RBMS3: variants seen among roughly 807,000 people sequenced by gnomAD.
The protein encoded by RBMS3 is RNA binding motif single stranded interacting protein 3.
A neutral mutation model predicts 66.8 loss-of-function variants in RBMS3; 27 were observed. That is an observed-to-expected ratio of 0.40 (90% CI 0.30 to 0.56). The LOEUF is 0.56. Among genes scored for constraint, RBMS3 ranks in the 20% least tolerant of loss-of-function variants. RBMS3 has a pLI of 0.40. For synonymous variants in RBMS3, 188 were observed against 183.0 expected, an observed-to-expected ratio of 1.03 and a Z score of -0.22; for missense variants, 513 against 549.5, an observed-to-expected ratio of 0.93 and a Z score of 0.66.
intron 3 of RBMS3, among the ~76,000 whole-genome samples, chr3:29,492,564 C>T (rs992740331): frequency 6.6e-6 from 1 of 152,034 alleles, no homozygotes; most frequent in South Asian, 2.1e-4. Flanking sequence ...GGAAATGATA[C>T]TAGGGATCTG....
intron 10 of RBMS3, among the ~76,000 whole-genome samples, chr3:29,905,567 ATC>A (rs1209985509): frequency 1.3e-5 from 2 of 151,996 alleles, no homozygotes; most frequent in Non-Finnish European, 2.9e-5. Flanking sequence ...TTATCTTTGT[ATC>A]TGTTTTCCAA....
chr3:29,774,882 A>T (rs576873303), intron 6 of RBMS3, among the ~76,000 whole-genome samples: 1 of 147,818 alleles, frequency 6.8e-6, no homozygotes, highest in African/African-American at 2.5e-5. Context: ...TCAATATGTA[A>T]CAGGACTATT....
chr3:29,730,086 G>C (rs554614881), intron 4 of RBMS3, among the ~76,000 whole-genome samples: 1 of 151,744 alleles, frequency 6.6e-6, no homozygotes, highest in East Asian at 1.9e-4. Flanking sequence ...TATATAAAAT[G>C]ATATTAATGT....
At chr3:29,319,900 C>T (rs182228702) in intron 1 of RBMS3, among the ~76,000 whole-genome samples, 3 of 151,934 alleles carry the variant, frequency 2.0e-5, no homozygotes, top group Non-Finnish European at 2.9e-5. Context: ...AAAACATTGC[C>T]TTCTTGAACT....
intron 1 of RBMS3, among the ~76,000 whole-genome samples, chr3:29,330,027 C>A (rs2125511459): frequency 6.6e-6 from 1 of 151,936 alleles, no homozygotes; most frequent in East Asian, 1.9e-4. Context: ...CTATTCAAAT[C>A]TTTGTGAAAT....
At chr3:29,983,459 G>C (rs777802981) in intron 12 of RBMS3, among the ~76,000 whole-genome samples, 4 of 152,122 alleles carry the variant, frequency 2.6e-5, no homozygotes, top group Non-Finnish European at 5.9e-5. Context: ...CTGTCATTAT[G>C]ATGCTAGCTG....
chr3:29,881,395 A>G (rs1198441535), intron 7 of RBMS3, among the ~76,000 whole-genome samples: 3 of 152,128 alleles, frequency 2.0e-5, no homozygotes, highest in Non-Finnish European at 2.9e-5. Flanking sequence ...TACAAACGTA[A>G]TCTCTTTTAA....
chr3:29,730,899 C>G, intron 4 of RBMS3: 3 of 985,248 alleles, frequency 3.0e-6, no homozygotes, highest in Non-Finnish European at 3.6e-6. Context: ...GAGAAACCAT[C>G]ACATCAGGGC....
chr3:29,783,295 G>T (rs1331266735), intron 6 of RBMS3, among the ~76,000 whole-genome samples: 86 of 152,160 alleles, frequency 5.7e-4, no homozygotes, highest in Admixed American at 5.6e-3. Context: ...AGAGCTGAGA[G>T]GCAAAAACAT....
chr3:29,307,120 A>G (rs1398072116), intron 1 of RBMS3, among the ~76,000 whole-genome samples: 5 of 151,900 alleles, frequency 3.3e-5, no homozygotes, highest in African/African-American at 1.2e-4. Context: ...TTTCCATTTC[A>G]GTCTTCAAAC....
chr3:29,336,570 G>A (rs1316553325), intron 1 of RBMS3, among the ~76,000 whole-genome samples: 1 of 152,060 alleles, frequency 6.6e-6, no homozygotes, highest in Non-Finnish European at 1.5e-5. Context: ...TAGGAAAGCT[G>A]GGCCCCTGTA....
rs115188445 is a variant in RBMS3 at position 29,369,143 on chromosome 3, C to A, written c.76-65600C>A. Among the ~76,000 whole-genome samples, 1,345 of 151,890 alleles carry A rather than the reference C, an allele frequency of 8.9e-3. 17 individuals carry two copies. The highest frequency in any genetic ancestry group is 0.031 in the African/African-American group (1,272 of 41,436). On this transcript the variant is annotated intron_variant, in intron 1 of 14. Coordinates refer to ENST00000383767, the MANE Select transcript of RBMS3 (RefSeq NM_001003793.3). ...ACATAGACACATAGAGGGGAACAGC[C>A]GGCACCGGGGCCTACTTGAGAGTGG...
intron 6 of RBMS3, among the ~76,000 whole-genome samples, chr3:29,798,002 C>A (rs777116809): frequency 2.8e-4 from 43 of 151,864 alleles, no homozygotes; most frequent in Admixed American, 2.7e-3. Context: ...TGTTGTATCT[C>A]AGGAAATGGT....
At chr3:29,481,374 G>A (rs2043124194) in intron 2 of RBMS3, among the ~76,000 whole-genome samples, 1 of 152,260 alleles carries the variant, frequency 6.6e-6, no homozygotes, top group East Asian at 1.9e-4. Context: ...GAAGGCAAAT[G>A]GTTCTGGAGA....
At chr3:29,843,435 C>T (rs1056737418) in intron 6 of RBMS3, among the ~76,000 whole-genome samples, 3 of 152,084 alleles carry the variant, frequency 2.0e-5, no homozygotes, top group Non-Finnish European at 4.4e-5. Context: ...CTTAAAACAT[C>T]GACACTATTG....
intron 4 of RBMS3, among the ~76,000 whole-genome samples, chr3:29,633,212 G>A (rs2049348744): frequency 6.6e-6 from 1 of 151,584 alleles, no homozygotes; most frequent in South Asian, 2.1e-4. Flanking sequence ...TTTGTACTGG[G>A]GGAAATGCAG....
chr3:29,521,055 C>G (rs1232542482), intron 3 of RBMS3, among the ~76,000 whole-genome samples: 1 of 151,886 alleles, frequency 6.6e-6, no homozygotes, highest in Non-Finnish European at 1.5e-5. Flanking sequence ...AAAATAGCAC[C>G]CTGTCACTCT....
intron 3 of RBMS3, among the ~76,000 whole-genome samples, chr3:29,548,070 T>A (rs931052670): frequency 2.6e-5 from 4 of 152,022 alleles, no homozygotes; most frequent in Non-Finnish European, 4.4e-5. Flanking sequence ...GCAATGAGGA[T>A]TACAGGTGTG....
chr3:29,838,322 G>C (rs2058579585), intron 6 of RBMS3, among the ~76,000 whole-genome samples: 1 of 151,982 alleles, frequency 6.6e-6, no homozygotes, highest in Admixed American at 6.6e-5. Flanking sequence ...CTGGGTGATA[G>C]AGTGAGACCC....
Sources: allele counts gnomAD v4.1 joint callset (sites outside exome capture counted in the v4.1 genomes callset), GRCh38; gene constraint gnomAD v4.1.1; transcripts MANE v1.5; gene names NCBI Gene and HGNC (gene_info 2026-07-23, HGNC 2026-07-21).